Variants in MATCAP2 observed in about 807,000 individuals in gnomAD.
MATCAP2 encodes the protein microtubule associated tyrosine carboxypeptidase 2.
At chr7:36,372,298 A>G in the MATCAP2 span, among the ~76,000 whole-genome samples, 1 of 152,086 alleles carries the variant, frequency 6.6e-6, no homozygotes, top group African/African-American at 2.4e-5. Flanking sequence ...AACTGTGAAC[A>G]TTGTTTCTTG....
the MATCAP2 span, among the ~76,000 whole-genome samples, chr7:36,384,945 T>C: frequency 2.6e-5 from 4 of 151,932 alleles, no homozygotes; most frequent in African/African-American, 9.7e-5. Flanking sequence ...AGATCATGCA[T>C]GGCCTTGTAG....
At chr7:36,358,002 G>C in the MATCAP2 span, among the ~76,000 whole-genome samples, 1 of 152,104 alleles carries the variant, frequency 6.6e-6, no homozygotes, top group Non-Finnish European at 1.5e-5. Flanking sequence ...CTGGAGACCA[G>C]CCTGGCCAAC....
the MATCAP2 span, among the ~76,000 whole-genome samples, chr7:36,330,654 T>C: frequency 6.6e-6 from 1 of 152,206 alleles, no homozygotes; most frequent in Non-Finnish European, 1.5e-5. Context: ...GAAAATATCC[T>C]GTTCTTTGGA....
chr7:36,373,253 T>C, the MATCAP2 span, among the ~76,000 whole-genome samples: 63,159 of 151,868 alleles, frequency 0.42, 13,685 homozygotes, highest in African/African-American at 0.51. Context: ...ACAACCAAGT[T>C]AACAAATGAT....
At chr7:36,357,382 G>A in the MATCAP2 span, 4 of 1,614,096 alleles carry the variant, frequency 2.5e-6, 1 homozygote, top group Non-Finnish European at 3.4e-6. Context: ...TTTTGGAGTA[G>A]GTGGAGGAAG....
At chr7:36,364,091 CTTT>C in the MATCAP2 span, among the ~76,000 whole-genome samples, 4 of 40,634 alleles carry the variant, frequency 9.8e-5, no homozygotes, top group Admixed American at 2.1e-4. Flanking sequence ...TCTTCTTCTT[CTTT>C]TTTTTTTTTT....
At chr7:36,390,156 G>A in the MATCAP2 span, 2 of 1,577,802 alleles carry the variant, frequency 1.3e-6, no homozygotes, top group Non-Finnish European at 1.7e-6. Context: ...GCGTGTGTGC[G>A]CGCGTGCGCA....
the MATCAP2 span, chr7:36,367,236 G>C: frequency 8.9e-7 from 1 of 1,121,942 alleles, no homozygotes; most frequent in Non-Finnish European, 1.1e-6. Context: ...CGGTTGCTAG[G>C]AAACTGCCCC....
At chr7:36,346,750 T>C in the MATCAP2 span, among the ~76,000 whole-genome samples, 6 of 152,202 alleles carry the variant, frequency 3.9e-5, no homozygotes, top group Non-Finnish European at 7.4e-5. Flanking sequence ...AACTGTACTC[T>C]AGTTTTATTT....
At chr7:36,381,670 C>CA in the MATCAP2 span, among the ~76,000 whole-genome samples, 1,806 of 76,140 alleles carry the variant, frequency 0.024, 36 homozygotes, top group Admixed American at 0.094. Flanking sequence ...GACTCCATCT[C>CA]AAAAAAAAAA....
At chr7:36,384,718 A>T in the MATCAP2 span, among the ~76,000 whole-genome samples, 1 of 152,250 alleles carries the variant, frequency 6.6e-6, no homozygotes, top group Non-Finnish European at 1.5e-5. Flanking sequence ...GAGGTAGCAC[A>T]TGCAAGCTTA....
the MATCAP2 span, among the ~76,000 whole-genome samples, chr7:36,373,962 C>T: frequency 2.0e-5 from 3 of 152,080 alleles, no homozygotes; most frequent in South Asian, 6.2e-4. Context: ...TTAGTAAAGA[C>T]AGGGTTTCAC....
At chr7:36,342,087 TTTAA>T in the MATCAP2 span, among the ~76,000 whole-genome samples, 4 of 152,170 alleles carry the variant, frequency 2.6e-5, no homozygotes, top group African/African-American at 7.2e-5. Flanking sequence ...CACCTTAAAC[TTTAA>T]TTGTCTGTTA....
chr7:36,349,668 T>C, the MATCAP2 span, among the ~76,000 whole-genome samples: 1 of 152,196 alleles, frequency 6.6e-6, no homozygotes, highest in South Asian at 2.1e-4. Context: ...TATTTATAAA[T>C]GCCTAAATAC....
chr7:36,354,387 A>C, the MATCAP2 span, among the ~76,000 whole-genome samples: 1 of 152,246 alleles, frequency 6.6e-6, no homozygotes. Context: ...TCATTCTGCT[A>C]ATCTGTGCAC....
the MATCAP2 span, chr7:36,324,319 G>A: frequency 1.3e-5 from 2 of 152,122 alleles, no homozygotes; most frequent in Admixed American, 6.5e-5. Flanking sequence ...CTTTTACAAA[G>A]GTGACAATAT....
the MATCAP2 span, chr7:36,326,928 AG>A: frequency 1.3e-6 from 2 of 1,597,196 alleles, no homozygotes; most frequent in Non-Finnish European, 1.7e-6. Context: ...CCTGAAAAAA[AG>A]GAAGATGAGT....
At chr7:36,334,068 G>A in the MATCAP2 span, 8 of 1,614,036 alleles carry the variant, frequency 5.0e-6, no homozygotes, top group African/African-American at 1.3e-5. Context: ...TCCTTCCTCT[G>A]TGGGATTATT....
the MATCAP2 span, among the ~76,000 whole-genome samples, chr7:36,353,118 T>TA: frequency 1.3e-5 from 2 of 151,994 alleles, no homozygotes. Context: ...CAAAAAGTTT[T>TA]AAAAAACTAG....
Sources: allele counts gnomAD v4.1 joint callset (sites outside exome capture counted in the v4.1 genomes callset), GRCh38; gene constraint gnomAD v4.1.1; transcripts MANE v1.5; gene names NCBI Gene and HGNC (gene_info 2026-07-23, HGNC 2026-07-21).